Variants in SFRP4 observed in about 807,000 individuals in gnomAD.
The protein encoded by SFRP4 is secreted frizzled related protein 4.
Under a neutral mutation model 36.3 loss-of-function variants are expected in SFRP4, and 25 were observed. The observed-to-expected ratio is 0.69, with a 90% confidence interval of 0.50 to 0.96. The LOEUF is 0.96. Among genes scored for constraint, SFRP4 ranks in the 40% least tolerant of loss-of-function variants. The pLI is 0.00. For missense variants in SFRP4, 487 were observed against 459.6 expected, an observed-to-expected ratio of 1.06 and a Z score of -0.54; for synonymous variants, 182 against 168.8, an observed-to-expected ratio of 1.08 and a Z score of -0.60.
rs144282460 is a variant in SFRP4, at chr7:37,910,847, C to G, written c.792-1167G>C. ...AGAGTTTTTCCTCTGTTTCATTTAT[C>G]TTTACGTCTACTATTGCATCACATG... On this transcript the variant is annotated intron_variant, in intron 4 of 5. Coordinates refer to ENST00000436072, the MANE Select transcript of SFRP4 (RefSeq NM_003014.4). 2.6e-5 allele frequency among the ~76,000 whole-genome samples: 4 copies of G among 152,200 alleles called. No homozygotes were observed. In the East Asian group the frequency reaches 7.7e-4, roughly 29 times the overall value.
chr7:37,907,653 C>T lies in SFRP4; in HGVS notation c.867G>A (p.Glu289=), dbSNP rs1275306250. 7.5e-6 allele frequency: 12 copies of T among 1,609,168 alleles called. No homozygotes were observed. In the Admixed American group the frequency reaches 1.5e-4, roughly 20 times the overall value. The change falls in exon 6 of 6, where the codon GAG becomes GAA. Residue 289 remains glutamate (E), a synonymous_variant. Coordinates refer to ENST00000436072, the MANE Select transcript of SFRP4 (RefSeq NM_003014.4). ...CTGTTCTCCGCTGTTCCTGCAGCCT[C>T]TCTTCCCACTGCTGAAAAGCAATTT... ...QLSKRSIQWE[E]RLQEQRRTVQ... is the part of the protein sequence containing the mutation.
chr7:37,916,729 A>G lies in SFRP4; in HGVS notation c.-192T>C, dbSNP rs1031835811. 15 of 830,304 alleles carry G rather than the reference A, an allele frequency of 1.8e-5. No homozygotes were observed. The highest frequency in any genetic ancestry group is 2.7e-5 in the Non-Finnish European group (15 of 547,012). The allele number at this position is 830,304 out of a possible 1,614,324, so 51.4% of individuals were successfully genotyped here. A position where few individuals can be genotyped will look rare whatever the true frequency, so the allele number is the denominator to read the frequency against. Reference sequence around the variant, plus strand: ...CGCGGAGCTCCGCCGTCTGGCACACAGGGCACGAGCAGCGCCAGCTCTCAG... The same window carrying G: ...CGCGGAGCTCCGCCGTCTGGCACACGGGGCACGAGCAGCGCCAGCTCTCAG... On this transcript the variant is annotated 5_prime_UTR_variant, in exon 1 of 6. Coordinates refer to ENST00000436072, the MANE Select transcript of SFRP4 (RefSeq NM_003014.4). The surrounding 1 kb of genome is among the most constrained non-coding windows in gnomAD (Gnocchi z 4.1).
Position 37,916,251 on chromosome 7 carries a change from G to T in SFRP4, c.287C>A (p.Pro96Gln), listed in dbSNP as rs1219996012. The change falls in exon 1 of 6, where the codon CCG becomes CAG. Residue 96 changes from proline (P) to glutamine (Q), a missense_variant. Pro to Gln is a moderately conservative substitution (Grantham distance 76). Transcript: ENST00000436072. This position sits in a 1 kb window ranked among gnomAD's most constrained non-coding sequence, Gnocchi z 4.1. Reference sequence around the variant, plus strand: ...CGCGCGTTGGCACACCGACTTGCACGGCTTGATAGGGTCGTGCAGGAACTC... The same window carrying T: ...CGCGCGTTGGCACACCGACTTGCACTGCTTGATAGGGTCGTGCAGGAACTC... ...TLEFLHDPIK[P>Q]CKSVCQRARD... 1 of 1,614,198 alleles carries T rather than the reference G, an allele frequency of 6.2e-7. No homozygotes were observed. The highest frequency in any genetic ancestry group is 1.1e-5 in the South Asian group (1 of 91,084).
chr7:37,912,741 A>G (rs1461441130), intron 3 of SFRP4, among the ~76,000 whole-genome samples: 1 of 152,224 alleles, frequency 6.6e-6, no homozygotes, highest in Admixed American at 6.5e-5. Flanking sequence ...TTACAGAGAT[A>G]GTCATTAGTC....
Position 37,914,400 on chromosome 7 carries a change from C to A in SFRP4, c.499G>T (p.Asp167Tyr). 1 of 1,614,062 alleles carries A rather than the reference C, an allele frequency of 6.2e-7. No individual in the cohort carries two copies. ...GGGCTTAGGCGTTTACAGTCAACAT[C>A]AAGAGGCCTTTCCTGTACCATCATG... ...PDMMVQERPL[D>Y]VDCKRLSPDR... The change falls in exon 2 of 6, where the codon GAT becomes TAT. Residue 167 changes from aspartate (D) to tyrosine (Y), a missense_variant. Physicochemically the swap from Asp to Tyr is radical, Grantham distance 160. Transcript: ENST00000436072.
intron 5 of SFRP4, among the ~76,000 whole-genome samples, chr7:37,908,999 A>AG (rs60096440): frequency 0.97 from 148,156 of 152,230 alleles, 72,248 homozygotes; most frequent in East Asian, 1. Flanking sequence ...TTTGCAAAGA[A>AG]GGATGCTTTA....
In SFRP4 at chr7:37,906,798, T is replaced by C. The variant is rs758668767; in HGVS notation, c.*681A>G. On this transcript the variant is annotated 3_prime_UTR_variant, in exon 6 of 6. Coordinates refer to ENST00000436072, the MANE Select transcript of SFRP4 (RefSeq NM_003014.4). ...CCAAAAAACAGGAATCCAGACATTG[T>C]CTGCCTCTCCTTTTTATTTATTTTT... is the stretch of plus-strand genomic sequence containing the variant. The C allele has an allele frequency of 6.6e-6, 1 of 152,218 alleles. No homozygotes were observed. The highest frequency in any genetic ancestry group is 2.4e-5 in the African/African-American group (1 of 41,456). The allele number at this position is 152,218 out of a possible 1,614,324, so 9.4% of individuals were successfully genotyped here. A position where few individuals can be genotyped will look rare whatever the true frequency, so the allele number is the denominator to read the frequency against.
rs1785388762 is a variant in SFRP4, at chr7:37,905,990, T to C, written c.*1489A>G. 1 of 152,278 alleles carries C rather than the reference T, an allele frequency of 6.6e-6. No homozygotes were observed. The highest frequency in any genetic ancestry group is 1.9e-4 in the East Asian group (1 of 5,186). The allele number at this position is 152,278 out of a possible 1,614,324, so 9.4% of individuals were successfully genotyped here. A position where few individuals can be genotyped will look rare whatever the true frequency, so the allele number is the denominator to read the frequency against. On this transcript the variant is annotated 3_prime_UTR_variant, in exon 6 of 6. Coordinates refer to ENST00000436072, the MANE Select transcript of SFRP4 (RefSeq NM_003014.4). ...GTGAAGAAACCACCTAAGTATCCAA[T>C]AGCACAACAGTTTGTTGAGTAATGC...
chr7:37,913,786 C>A (rs1236293168), intron 3 of SFRP4, among the ~76,000 whole-genome samples: 2 of 152,096 alleles, frequency 1.3e-5, no homozygotes, highest in African/African-American at 4.8e-5. Context: ...GCAGGCAGAT[C>A]TTAATTGTCT....
At position 37,907,486 on chromosome 7, in the gene SFRP4, CTT is replaced by C. The variant is rs760845503; in HGVS notation, c.1032_1033del (p.Arg345SerfsTer4). The stretch of plus-strand genomic sequence containing the variant: ...CTTTGGAAACTAGTTAGCTCACACT[CTT>C]TTCGGGTTTGTTCTCTTCTGGGCAC... On this transcript the variant is annotated frameshift_variant, in exon 6 of 6. Coordinates refer to ENST00000436072, the MANE Select transcript of SFRP4 (RefSeq NM_003014.4). LOFTEE classifies it high-confidence loss of function. 4.3e-6 allele frequency: 7 copies of C among 1,612,784 alleles called. No homozygotes were observed. The Admixed American group carries it at 5.0e-5, about 12-fold the overall frequency.
chr7:37,910,873 G>T (rs1785476069), intron 4 of SFRP4, among the ~76,000 whole-genome samples: 1 of 152,072 alleles, frequency 6.6e-6, no homozygotes, highest in Non-Finnish European at 1.5e-5. Context: ...GCATCACATG[G>T]TTTTAACAAG....
rs1323621779 is a variant in SFRP4 at position 37,912,168 on chromosome 7, T to C, written c.742A>G (p.Ile248Val). The C allele has an allele frequency of 6.2e-7, 1 of 1,614,218 alleles. No individual in the cohort carries two copies. Among genetic ancestry groups the C allele is most frequent in the Admixed American group, 1.7e-5 (1 of 60,030 alleles). Residue 248 changes from isoleucine to valine, a missense_variant, in exon 4 of 6, where the codon ATC becomes GTC. Coordinates refer to ENST00000436072, the MANE Select transcript of SFRP4 (RefSeq NM_003014.4). Reference sequence around the variant, plus strand: ...ATGAGAACATCTTGATGGGGCAGGATGTGTGGACACTGGCAAGAAGAATTT... The same window carrying C: ...ATGAGAACATCTTGATGGGGCAGGACGTGTGGACACTGGCAAGAAGAATTT... ...ITNSSCQCPH[I>V]LPHQDVLIMC...
At chr7:37,912,742 G>A (rs1397953759) in intron 3 of SFRP4, among the ~76,000 whole-genome samples, 1 of 152,182 alleles carries the variant, frequency 6.6e-6, no homozygotes, top group Non-Finnish European at 1.5e-5. Flanking sequence ...TACAGAGATA[G>A]TCATTAGTCA....
At chr7:37,909,486 G>C in intron 5 of SFRP4, 131 bp downstream of exon 5, 5 of 522,894 alleles carry the variant, frequency 9.6e-6, no homozygotes, top group Non-Finnish European at 1.4e-5. Flanking sequence ...CTATTCAAAA[G>C]ACAAATACTG....
rs774036745 is a variant in SFRP4 at position 37,907,606 on chromosome 7, G to A, written c.914C>T (p.Ala305Val). The A allele has an allele frequency of 1.7e-5, 27 of 1,613,610 alleles. No individual in the cohort carries two copies. The highest frequency in any genetic ancestry group is 2.2e-5 in the Non-Finnish European group (26 of 1,179,834). ...RRTVQDKKKT[A>V]GRTSRSNPPK... ...GGGATTACTACGACTGGTGCGCCCGGCTGTTTTCTTCTTGTCCTGAACTGT... is the reference window on the plus strand; with the variant it reads ...GGGATTACTACGACTGGTGCGCCCGACTGTTTTCTTCTTGTCCTGAACTGT... The change falls in exon 6 of 6, where the codon GCC (alanine) becomes GTC (valine). Residue 305 changes from alanine to valine, a missense_variant. By Grantham distance (64) the Ala-to-Val change is moderately conservative. Coordinates refer to ENST00000436072, the MANE Select transcript of SFRP4 (RefSeq NM_003014.4).
At chr7:37,915,329 C>T (rs1005734435) in intron 1 of SFRP4, among the ~76,000 whole-genome samples, 3 of 152,322 alleles carry the variant, frequency 2.0e-5, no homozygotes, top group African/African-American at 7.2e-5. Flanking sequence ...TAGAGCAATG[C>T]TCTGGGGTAT....
At chr7:37,908,865 A>G (rs1190771304) in intron 5 of SFRP4, among the ~76,000 whole-genome samples, 2 of 152,172 alleles carry the variant, frequency 1.3e-5, no homozygotes, top group Admixed American at 6.5e-5. Context: ...CCATAACTCA[A>G]TTGTTAATAT....
In SFRP4 at chr7:37,907,578, G is replaced by A. The variant is rs1300641312; in HGVS notation, c.942C>T (p.Pro314=). Residue 314 remains proline (P), a synonymous_variant, in exon 6 of 6, where the codon CCC becomes CCT. Coordinates refer to ENST00000436072, the MANE Select transcript of SFRP4 (RefSeq NM_003014.4). ...GAGCAGGAGGCTTTCCCTTTGGTTT[G>A]GGGGGATTACTACGACTGGTGCGCC... is the stretch of plus-strand genomic sequence containing the variant. ...TAGRTSRSNP[P]KPKGKPPAPK... 6.2e-7 allele frequency: 1 copy of A among 1,613,074 alleles called. No homozygotes were observed. Among genetic ancestry groups the A allele is most frequent in the African/African-American group, 1.3e-5 (1 of 74,864 alleles).
Position 37,909,664 on chromosome 7 carries a change from T to A in SFRP4, c.808A>T (p.Asn270Tyr). 6.3e-7 allele frequency: 1 copy of A among 1,582,298 alleles called. No homozygotes were observed. The highest frequency in any genetic ancestry group is 8.6e-7 in the Non-Finnish European group (1 of 1,161,796). The change falls in exon 5 of 6, where the codon AAT (asparagine) becomes TAT (tyrosine). Residue 270 changes from asparagine to tyrosine, a missense_variant. Physicochemically the swap from Asn to Tyr is moderately radical, Grantham distance 143 (BLOSUM62 -2). Transcript: ENST00000436072. ...TCTCTCCATTTTTCAACTAAGCAAT[T>A]TTCAAGAAGCATCATCCTGAAAAAA... ...EWRSRMMLLE[N>Y]CLVEKWRDQL...
Sources: gnomAD v4.1 joint callset for allele counts (sites outside exome capture counted in the v4.1 genomes callset) on GRCh38, gnomAD v4.1.1 for gene constraint, Gnocchi (gnomAD v3.1) non-coding constraint, MANE v1.5 for transcripts, NCBI Gene and HGNC (gene_info 2026-07-23, HGNC 2026-07-21) for gene names.